ZBTB5: variants seen among roughly 807,000 people sequenced by gnomAD.
ZBTB5 encodes zinc finger and BTB domain containing 5.
In ZBTB5, 15 loss-of-function variants were observed where a neutral mutation model predicts 37.9. The observed-to-expected ratio is 0.40, with a 90% confidence interval of 0.26 to 0.61. The LOEUF (loss-of-function observed/expected upper bound fraction) is 0.61. ZBTB5 is among the 20% of genes least tolerant of loss of function. The pLI is 0.47. For missense variants in ZBTB5, 708 were observed against 856.8 expected, an observed-to-expected ratio of 0.83 and a Z score of 2.17; for synonymous variants, 315 against 312.4, an observed-to-expected ratio of 1.01 and a Z score of -0.09.
Position 37,440,865 on chromosome 9 carries a change from T to G in ZBTB5, c.1687A>C (p.Met563Leu). The G allele has an allele frequency of 5.6e-6, 9 of 1,614,214 alleles. No homozygotes were observed. Among genetic ancestry groups the G allele is most frequent in the Non-Finnish European group, 7.6e-6 (9 of 1,180,028 alleles). ...AATGAGGACGTAGCTCCATTCATCA[T>G]TAGCTGAGAACTGGTAGAGTTTTCT... Reference protein sequence around the residue: ...IPENSTSSQLMMNGATSSFEN... With the variant: ...IPENSTSSQLLMNGATSSFEN... Residue 563 changes from methionine to leucine, a missense_variant, in exon 2 of 2, where the codon ATG (methionine) becomes CTG (leucine). By Grantham distance (15) the Met-to-Leu change is conservative (BLOSUM62 2). Transcript: ENST00000307750.
intron 1 of ZBTB5, among the ~76,000 whole-genome samples, chr9:37,457,289 T>C (rs1200759927): frequency 1.3e-5 from 2 of 152,168 alleles, no homozygotes; most frequent in Non-Finnish European, 2.9e-5. Flanking sequence ...GGCTGGAGTG[T>C]GGTGGTGCAA....
At chr9:37,455,515 G>A (rs1180675548) in intron 1 of ZBTB5, among the ~76,000 whole-genome samples, 1 of 152,206 alleles carries the variant, frequency 6.6e-6, no homozygotes, top group African/African-American at 2.4e-5. Context: ...AAAGAGCACT[G>A]TAGCATGCCC....
intron 1 of ZBTB5, among the ~76,000 whole-genome samples, chr9:37,442,991 CCAGT>C (rs1823914106): frequency 6.6e-6 from 1 of 152,114 alleles, no homozygotes; most frequent in Admixed American, 6.5e-5. Context: ...TGGAAGATTT[CCAGT>C]TATAGATGGT....
At chr9:37,443,879 T>C (rs557466064) in intron 1 of ZBTB5, among the ~76,000 whole-genome samples, 1 of 151,604 alleles carries the variant, frequency 6.6e-6, no homozygotes, top group Admixed American at 6.6e-5. Context: ...TGAGCAGAGA[T>C]CGCACTGCTG....
intron 1 of ZBTB5, among the ~76,000 whole-genome samples, chr9:37,457,201 T>C (rs1824205138): frequency 6.6e-6 from 1 of 152,192 alleles, no homozygotes; most frequent in Admixed American, 6.5e-5. Context: ...CTTGTGTATT[T>C]TTTGTATACA....
chr9:37,464,530 G>A (rs192716551), intron 1 of ZBTB5, among the ~76,000 whole-genome samples: 2 of 152,074 alleles, frequency 1.3e-5, no homozygotes, highest in African/African-American at 2.4e-5. Flanking sequence ...CATTATGAAA[G>A]GAAAAAACTA....
intron 1 of ZBTB5, among the ~76,000 whole-genome samples, chr9:37,445,194 A>G (rs1485423582): frequency 6.6e-6 from 1 of 152,136 alleles, no homozygotes; most frequent in East Asian, 1.9e-4. Flanking sequence ...ACCGAATGTG[A>G]GATATTGGGA....
chr9:37,442,345 G>T lies in ZBTB5; in HGVS notation c.207C>A (p.Ser69Arg). ...CAAAGGCCTCTGCTGTCACCACCTC[G>T]CTATCCAGCTGGATCATGTTCATGG... ...DQTMNMIQLDSEVVTAEAFAA... is the reference protein window; with the variant it reads ...DQTMNMIQLDREVVTAEAFAA... The change falls in exon 2 of 2, where the codon AGC (serine) becomes AGA (arginine). Residue 69 changes from serine (S) to arginine (R), a missense_variant. This residue lies in a region of ZBTB5 where 639 missense variants were observed against 690.5 expected (regional missense o/e 0.93). Transcript: ENST00000307750. 6.2e-7 allele frequency: 1 copy of T among 1,614,116 alleles called. No homozygotes were observed. Among genetic ancestry groups the T allele is most frequent in the Non-Finnish European group, 8.5e-7 (1 of 1,180,020 alleles).
intron 1 of ZBTB5, among the ~76,000 whole-genome samples, chr9:37,451,180 C>T (rs1369272098): frequency 1.3e-5 from 2 of 148,238 alleles, no homozygotes; most frequent in African/African-American, 2.5e-5. Context: ...GACCCTATCT[C>T]CAAAAAAAAA....
chr9:37,456,560 A>C (rs4878150), intron 1 of ZBTB5, among the ~76,000 whole-genome samples: 1 of 152,190 alleles, frequency 6.6e-6, no homozygotes, highest in Admixed American at 6.6e-5. Context: ...TGACCATCTC[A>C]CCTAACTCTC....
At chr9:37,453,736 TAC>T (rs1824141826) in intron 1 of ZBTB5, among the ~76,000 whole-genome samples, 1 of 152,154 alleles carries the variant, frequency 6.6e-6, no homozygotes, top group Admixed American at 6.5e-5. Context: ...TCTCCTTGAT[TAC>T]AGTGATTGTT....
At chr9:37,457,374 C>G (rs951315469) in intron 1 of ZBTB5, among the ~76,000 whole-genome samples, 1 of 152,138 alleles carries the variant, frequency 6.6e-6, no homozygotes, top group Non-Finnish European at 1.5e-5. Context: ...ACTGGTACTA[C>G]AGGCACGTCA....
intron 1 of ZBTB5, among the ~76,000 whole-genome samples, chr9:37,459,903 G>C (rs577480981): frequency 6.6e-6 from 1 of 150,860 alleles, no homozygotes; most frequent in Non-Finnish European, 1.5e-5. Flanking sequence ...GTAGAGACGG[G>C]GTTTCACCTT....
chr9:37,447,727 A>G (rs1273573834), intron 1 of ZBTB5, among the ~76,000 whole-genome samples: 1 of 152,228 alleles, frequency 6.6e-6, no homozygotes, highest in Non-Finnish European at 1.5e-5. Context: ...GGGGGGCCAT[A>G]AAAGACTGAC....
rs748343567 is a variant in ZBTB5, at chr9:37,441,481, T to C, written c.1071A>G (p.Glu357=). The C allele has an allele frequency of 3.7e-6, 6 of 1,613,096 alleles. No individual in the cohort carries two copies. The highest frequency in any genetic ancestry group is 1.1e-5 in the South Asian group (1 of 90,998). The change falls in exon 2 of 2, where the codon GAA becomes GAG. Residue 357 remains glutamate (E), a synonymous_variant. Coordinates refer to ENST00000307750, the MANE Select transcript of ZBTB5 (RefSeq NM_014872.3). ...CGGCACTGACCACAACTCCTTCCAC[T>C]TCCACAGACTCGCTGCCTTCTGCTT... ...TSQAEGSESV[E]VEGVVVSAEK...
chr9:37,464,307 G>C (rs1824348159), intron 1 of ZBTB5, among the ~76,000 whole-genome samples: 1 of 152,204 alleles, frequency 6.6e-6, no homozygotes, highest in Admixed American at 6.5e-5. Flanking sequence ...ACATGTTTTG[G>C]AATATTTTTG....
chr9:37,444,443 G>T (rs1212031940), intron 1 of ZBTB5, among the ~76,000 whole-genome samples: 1 of 152,056 alleles, frequency 6.6e-6, no homozygotes, highest in African/African-American at 2.4e-5. Context: ...CAGGTGATCC[G>T]CCCACCCTGG....
At position 37,441,090 on chromosome 9, in the gene ZBTB5, G is replaced by A; in HGVS notation, c.1462C>T (p.Leu488=). ...FVRPMQEVMG[L]PCVQTSGYQG... ...TAGCCTGAAGTCTGCACACACGGCA[G>A]GCCCATCACCTCCTGCATAGGCCTG... Residue 488 remains leucine, a synonymous_variant, in exon 2 of 2, where the codon CTG becomes TTG. Transcript: ENST00000307750. The A allele has an allele frequency of 6.2e-7, 1 of 1,614,136 alleles. No individual in the cohort carries two copies. The highest frequency in any genetic ancestry group is 1.1e-5 in the South Asian group (1 of 91,080).
Position 37,441,134 on chromosome 9 carries a change from G to A in ZBTB5, c.1418C>T (p.Pro473Leu), listed in dbSNP as rs762676717. Residue 473 changes from proline (P) to leucine (L), a missense_variant, in exon 2 of 2, where the codon CCT becomes CTT. Transcript: ENST00000307750. ...AGGCCTGACGAAGTGGGAGTCTGCAGGTTCACTAAATGGGTTCTCTACATG... is the reference window on the plus strand; with the variant it reads ...AGGCCTGACGAAGTGGGAGTCTGCAAGTTCACTAAATGGGTTCTCTACATG... ...GSHVENPFSE[P>L]ADSHFVRPMQ... The A allele has an allele frequency of 2.5e-6, 4 of 1,614,020 alleles. No homozygotes were observed. The highest frequency in any genetic ancestry group is 1.1e-5 in the South Asian group (1 of 91,062).
Sources: allele counts gnomAD v4.1 joint callset (sites outside exome capture counted in the v4.1 genomes callset), GRCh38; gene constraint gnomAD v4.1.1; regional missense constraint gnomAD v4.1.1; transcripts MANE v1.5; gene names NCBI Gene and HGNC (gene_info 2026-07-23, HGNC 2026-07-21).